Variants in ZNF132 observed in about 807,000 individuals in gnomAD.
The protein encoded by ZNF132 is zinc finger protein 132 (clone pHZ-12).
A neutral mutation model predicts 9.3 loss-of-function variants in ZNF132; 6 were observed. The observed-to-expected ratio is 0.65, with a 90% confidence interval of 0.35 to 1.28. The LOEUF is 1.28. ZNF132 is among the 50% of genes most tolerant of loss of function. ZNF132 has a pLI of 0.03. For missense variants in ZNF132, 877 were observed against 843.2 expected, an observed-to-expected ratio of 1.04 and a Z score of -0.50; for synonymous variants, 296 against 292.0, an observed-to-expected ratio of 1.01 and a Z score of -0.14.
chr19:58,435,890 GC>G (rs1434828400), intron 2 of ZNF132, among the ~76,000 whole-genome samples: 1 of 152,190 alleles, frequency 6.6e-6, no homozygotes, highest in Admixed American at 6.6e-5. Flanking sequence ...TAGGCACCTT[GC>G]CCAGCTTCTA....
In ZNF132 at chr19:58,434,319, A is replaced by C. The variant is rs772702871; in HGVS notation, c.1125T>G (p.Phe375Leu). 1 of 1,614,168 alleles carries C rather than the reference A, an allele frequency of 6.2e-7. No homozygotes were observed. Among genetic ancestry groups the C allele is most frequent in the South Asian group, 1.1e-5 (1 of 91,082 alleles). ...HEKVHTGERP[F>L]ECLKCGRAFS... ...AGGCTCTTCCACATTTCAGGCACTC[A>C]AAAGGCCTTTCTCCAGTGTGAACTT... is the stretch of plus-strand genomic sequence containing the variant. Residue 375 changes from phenylalanine to leucine, a missense_variant, in exon 3 of 3, where the codon TTT (phenylalanine) becomes TTG (leucine). By Grantham distance (22) the Phe-to-Leu change is conservative. Transcript: ENST00000254166.
rs778005355 is a variant in ZNF132 at position 58,434,175 on chromosome 19, T to C, written c.1269A>G (p.Arg423=). The C allele has an allele frequency of 2.5e-6, 4 of 1,614,230 alleles. No homozygotes were observed. The South Asian group carries it at 4.4e-5, about 18-fold the overall frequency. Residue 423 remains arginine, a synonymous_variant, in exon 3 of 3, where the codon AGA becomes AGG. Transcript: ENST00000254166. ...CATACGGTCTTTCTCCAGTGTGAACTCTCCAGTGCTGAATGAGAGCAGAGC... is the reference window on the plus strand; with the variant it reads ...CATACGGTCTTTCTCCAGTGTGAACCCTCCAGTGCTGAATGAGAGCAGAGC... ...SRSSALIQHW[R]VHTGERPYEC...
At chr19:58,437,265 T>A in intron 1 of ZNF132, 50 bp from the exon 2 acceptor site, 1 of 1,532,240 alleles carries the variant, frequency 6.5e-7, no homozygotes, top group Non-Finnish European at 8.8e-7. Context: ...AGGACCTTGC[T>A]GTGTGACTCA....
At chr19:58,435,323 T>C (rs2052767440) in intron 2 of ZNF132, 112 bp from the exon 3 acceptor site, 1 of 1,257,112 alleles carries the variant, frequency 8.0e-7, no homozygotes, top group Non-Finnish European at 1.1e-6. Context: ...CAGGGATTGC[T>C]GACAGGCCAA....
Position 58,437,034 on chromosome 19 carries a change from G to C in ZNF132, c.232+13C>G. ...CATAAGGTAGTCATCACCATGCTGAGACAGGGCATTACCAAGTGAGGTCAC... is the reference window on the plus strand; with the variant it reads ...CATAAGGTAGTCATCACCATGCTGACACAGGGCATTACCAAGTGAGGTCAC... On this transcript the variant is annotated intron_variant, in intron 2 of 2. Coordinates refer to ENST00000254166, the MANE Select transcript of ZNF132 (RefSeq NM_003433.4). 1.2e-6 allele frequency: 2 copies of C among 1,614,178 alleles called. No homozygotes were observed. Among genetic ancestry groups the C allele is most frequent in the South Asian group, 2.2e-5 (2 of 91,088 alleles).
rs2052794339 is a variant in ZNF132 at position 58,440,039 on chromosome 19, C to T, written c.-218G>A. On this transcript the variant is annotated 5_prime_UTR_variant, in exon 1 of 3. Transcript: ENST00000254166. ...CATAAAAGCAGAGTAATTAGCCGGG[C>T]ACTATGGTGCGTGTGAAGGCGCGGT... The T allele has an allele frequency of 1.8e-6, 1 of 551,566 alleles. No individual in the cohort carries two copies. The highest frequency in any genetic ancestry group is 3.1e-6 in the Non-Finnish European group (1 of 318,936). 34.2% of individuals were successfully genotyped at this position (551,566 alleles called of 1,614,324 possible).
At chr19:58,435,418 C>T (rs892007264) in intron 2 of ZNF132, 4 of 569,068 alleles carry the variant, frequency 7.0e-6, no homozygotes, top group Non-Finnish European at 6.1e-6. Context: ...GAGACCTCAC[C>T]AGGGGTAAGG....
intron 2 of ZNF132, chr19:58,436,169 G>T (rs187199114): frequency 0.011 from 1,701 of 152,184 alleles, 27 homozygotes; most frequent in African/African-American, 0.04. Flanking sequence ...GCCTAGGACC[G>T]GGGGGAAAGG....
At position 58,434,641 on chromosome 19, in the gene ZNF132, G is replaced by A. The variant is rs752513940; in HGVS notation, c.803C>T (p.Thr268Ile). The A allele has an allele frequency of 6.2e-7, 1 of 1,614,190 alleles. No individual in the cohort carries two copies. Among genetic ancestry groups the A allele is most frequent in the East Asian group, 2.2e-5 (1 of 44,888 alleles). The change falls in exon 3 of 3, where the codon ACA (threonine) becomes ATA (isoleucine). Residue 268 changes from threonine (T) to isoleucine (I), a missense_variant. Physicochemically the swap from Thr to Ile is moderately conservative, Grantham distance 89. Coordinates refer to ENST00000254166, the MANE Select transcript of ZNF132 (RefSeq NM_003433.4). ...TTTCTCCTCTAAGAAATTTCCACCTGTTGGGCATGTAAATGGTATCTCTTC... is the reference window on the plus strand; with the variant it reads ...TTTCTCCTCTAAGAAATTTCCACCTATTGGGCATGTAAATGGTATCTCTTC... ...HSEEIPFTCP[T>I]GGNFLEEKSI...
intron 2 of ZNF132, 63 bp downstream of exon 2, chr19:58,436,984 C>T (rs759771584): frequency 6.2e-7 from 1 of 1,611,278 alleles, no homozygotes; most frequent in Non-Finnish European, 8.5e-7. Flanking sequence ...ATGAACAGAG[C>T]TTTCTATGGG....
rs79063277 is a variant in ZNF132, at chr19:58,434,477, C to A, written c.967G>T (p.Ala323Ser). 4.4e-4 allele frequency: 713 copies of A among 1,614,240 alleles called. 7 individuals are homozygous for A. The East Asian group carries it at 0.013, about 30-fold the overall frequency. Residue 323 changes from alanine (A) to serine (S), a missense_variant, in exon 3 of 3, where the codon GCA becomes TCA. Ala to Ser is a moderately conservative substitution (Grantham distance 99). Transcript: ENST00000254166. ...TTGTGGTTGAAGGTTTTCCCACATG[C>A]AATGCACTCATAATATTTTACTTCA... is the stretch of plus-strand genomic sequence containing the variant. ...HTEVKYYECI[A>S]CGKTFNHKLT...
In ZNF132 at chr19:58,433,338, T is replaced by C; in HGVS notation, c.2106A>G (p.Lys702=). 1 of 1,612,876 alleles carries C rather than the reference T, an allele frequency of 6.2e-7. No individual in the cohort carries two copies. The highest frequency in any genetic ancestry group is 1.3e-5 in the African/African-American group (1 of 75,014). Residue 702 remains lysine (K), a synonymous_variant, in exon 3 of 3, where the codon AAA becomes AAG. Transcript: ENST00000254166. ...FSHLCNLAQH[K]KIHT The stretch of plus-strand genomic sequence containing the variant: ...AAGGCTCCACTCAGGTATGAATCTT[T>C]TTATGCTGTGCAAGGTTACAAAGAT...
rs2052778583 is a variant in ZNF132 at position 58,437,219 on chromosome 19, A to C, written c.64-4T>G. On this transcript the variant is annotated splice_polypyrimidine_tract_variant and splice_region_variant and intron_variant, in intron 1 of 2. Coordinates refer to ENST00000254166, the MANE Select transcript of ZNF132 (RefSeq NM_003433.4). ...AGCCACAGGGCCAAGAAGTATGCTG[A>C]CAAAGAAACAAACAATTGGTCAAAT... is the stretch of plus-strand genomic sequence containing the variant. 6.3e-7 allele frequency: 1 copy of C among 1,579,868 alleles called. No homozygotes were observed. Among genetic ancestry groups the C allele is most frequent in the Non-Finnish European group, 8.6e-7 (1 of 1,165,028 alleles).
Position 58,433,572 on chromosome 19 carries a change from T to G in ZNF132, c.1872A>C (p.Glu624Asp), listed in dbSNP as rs2052754911. The change falls in exon 3 of 3, where the codon GAA becomes GAC. Residue 624 changes from glutamate to aspartate, a missense_variant. Glu to Asp is a conservative substitution (Grantham distance 45). Transcript: ENST00000254166. ...LICHWRVHTG[E>D]RPYECSECGR... is the part of the protein sequence containing the mutation. ...CACATTCACTGCATTCGTAAGGCCT[T>G]TCTCCAGTGTGAACTCTCCAGTGAC... 1.2e-6 allele frequency: 2 copies of G among 1,614,234 alleles called. No homozygotes were observed. The highest frequency in any genetic ancestry group is 8.5e-7 in the Non-Finnish European group (1 of 1,180,040).
At position 58,433,026 on chromosome 19, in the gene ZNF132, T is replaced by G; in HGVS notation, c.*297A>C. On this transcript the variant is annotated 3_prime_UTR_variant, in exon 3 of 3. Coordinates refer to ENST00000254166, the MANE Select transcript of ZNF132 (RefSeq NM_003433.4). The stretch of plus-strand genomic sequence containing the variant: ...CGGTTCAGCTGAGCACAGTCCTGAA[T>G]CCCTAGAGAACACAGGAAGGAAGGC... The G allele has an allele frequency of 2.4e-6, 1 of 421,540 alleles. No homozygotes were observed. The allele number at this position is 421,540 out of a possible 1,614,324, so 26.1% of individuals were successfully genotyped here. A position where few individuals can be genotyped will look rare whatever the true frequency, so the allele number is the denominator to read the frequency against.
intron 2 of ZNF132, chr19:58,436,754 C>T (rs182473718): frequency 4.3e-5 from 22 of 510,148 alleles, no homozygotes; most frequent in Admixed American, 1.2e-4. Flanking sequence ...CTGGGTAACC[C>T]GACCAGGGAT....
rs1033951975 is a variant in ZNF132, at chr19:58,440,111, C to A, written c.-290G>T. ...CGTGCCCTGGTGTGGCTCCAGAGGC[C>A]TGCTGTAGCCCAACCCACCAGCAGC... On this transcript the variant is annotated 5_prime_UTR_variant, in exon 1 of 3. The change creates a new upstream start codon in the 5' untranslated region. Coordinates refer to ENST00000254166, the MANE Select transcript of ZNF132 (RefSeq NM_003433.4). 4.4e-6 allele frequency: 2 copies of A among 454,176 alleles called. No homozygotes were observed. Among genetic ancestry groups the A allele is most frequent in the Non-Finnish European group, 7.8e-6 (2 of 257,534 alleles). 28.1% of individuals were successfully genotyped at this position (454,176 alleles called of 1,614,324 possible). A position where few individuals can be genotyped will look rare whatever the true frequency, so the allele number is the denominator to read the frequency against.
chr19:58,437,019 TCA>T (rs1230123366), intron 2 of ZNF132, 26 bp downstream of exon 2: 3 of 1,613,954 alleles, frequency 1.9e-6, no homozygotes, highest in Admixed American at 3.3e-5. Flanking sequence ...CATAAGGTAG[TCA>T]TCACCATGCT....
In ZNF132 at chr19:58,439,805, G is replaced by A; in HGVS notation, c.17C>T (p.Pro6Leu). 1 of 1,544,684 alleles carries A rather than the reference G, an allele frequency of 6.5e-7. No homozygotes were observed. The highest frequency in any genetic ancestry group is 8.7e-7 in the Non-Finnish European group (1 of 1,145,118). Reference sequence around the variant, plus strand: ...CGCTGGCAACCCCATTAGAACCTGTGGGCTGGGCAGGGCCATAACAGGAGG... The same window carrying A: ...CGCTGGCAACCCCATTAGAACCTGTAGGCTGGGCAGGGCCATAACAGGAGG... MALPS[P>L]QVLMGLPALL... Residue 6 changes from proline to leucine, a missense_variant, in exon 1 of 3, where the codon CCA becomes CTA. Transcript: ENST00000254166.
Sources: gnomAD v4.1 joint callset for allele counts (sites outside exome capture counted in the v4.1 genomes callset) on GRCh38, gnomAD v4.1.1 for gene constraint, MANE v1.5 for transcripts, NCBI Gene and HGNC (gene_info 2026-07-23, HGNC 2026-07-21) for gene names.